AGPAT4: variants seen among roughly 807,000 people sequenced by gnomAD.
AGPAT4 encodes 1-acylglycerol-3-phosphate O-acyltransferase 4.
Under a neutral mutation model 48.0 loss-of-function variants are expected in AGPAT4, and 15 were observed. The observed-to-expected ratio is 0.31, with a 90% CI of 0.21 to 0.48. The LOEUF (loss-of-function observed/expected upper bound fraction) is 0.48, where lower values mean the gene tolerates loss of function less well. Among genes scored for constraint, AGPAT4 ranks in the 20% least tolerant of loss-of-function variants. AGPAT4 has a pLI of 0.99. For missense variants in AGPAT4, 314 were observed against 482.5 expected (o/e 0.65, Z 3.27); for synonymous variants, 178 against 198.7 (o/e 0.90, Z 0.88).
chr6:161,191,621 A>G (rs1780925073), intron 2 of AGPAT4, among the ~76,000 whole-genome samples: 1 of 152,238 alleles, frequency 6.6e-6, no homozygotes, highest in Non-Finnish European at 1.5e-5. Flanking sequence ...TACCTGTCAT[A>G]GTCCTGAAGA....
chr6:161,153,870 C>T lies in AGPAT4; in HGVS notation c.510+279G>A, dbSNP rs879641578. 7.0e-5 allele frequency among the ~76,000 whole-genome samples: 10 copies of T among 143,096 alleles called. No homozygotes were observed. Among genetic ancestry groups the T allele is most frequent in the Admixed American group, 6.2e-4 (9 of 14,560 alleles). 93.9% of individuals were successfully genotyped at this position (143,096 alleles called of 152,430 possible). ...TCACATATGGCCACATGATCACACA[C>T]GGCCCCATGGTCACACACAGCCCTG... On this transcript the variant is annotated intron_variant, in intron 4 of 8. Transcript: ENST00000320285.
At chr6:161,263,134 GCCCCA>G in intron 1 of AGPAT4, among the ~76,000 whole-genome samples, 1 of 30,850 alleles carries the variant, frequency 3.2e-5, no homozygotes. Flanking sequence ...ACACCTGCCT[GCCCCA>G]CCCCACCCCA....
intron 2 of AGPAT4, among the ~76,000 whole-genome samples, chr6:161,199,167 C>T (rs1242816043): frequency 6.6e-6 from 1 of 151,844 alleles, no homozygotes; most frequent in Non-Finnish European, 1.5e-5. Flanking sequence ...CATTGCAACA[C>T]TGTGCATCAG....
At chr6:161,183,698 G>GGAGGAGAGGA (rs1263700566) in intron 2 of AGPAT4, among the ~76,000 whole-genome samples, 1 of 88,916 alleles carries the variant, frequency 1.1e-5, no homozygotes, top group African/African-American at 5.2e-5. Flanking sequence ...AGAGGAGAGG[G>GGAGGAGAGGA]GAGGAGAGGA....
In AGPAT4 at chr6:161,254,770, A is replaced by G. The variant is rs951356054; in HGVS notation, c.-90+19168T>C. Reference sequence around the variant, plus strand: ...TTTAACATTCATTTAATTCTCAAAGATCTGTAAATACCGACTCAATTTAGA... The same window carrying G: ...TTTAACATTCATTTAATTCTCAAAGGTCTGTAAATACCGACTCAATTTAGA... On this transcript the variant is annotated intron_variant, in intron 1 of 8. Transcript: ENST00000320285. This position sits in a 1 kb window ranked among gnomAD's most constrained non-coding sequence, Gnocchi z 5.9. Among the ~76,000 whole-genome samples, 9 of 152,306 alleles carry G rather than the reference A, an allele frequency of 5.9e-5. No individual in the cohort carries two copies. Among genetic ancestry groups the G allele is most frequent in the African/African-American group, 2.2e-4 (9 of 41,564 alleles).
At position 161,202,690 on chromosome 6, in the gene AGPAT4, T is replaced by A. The variant is rs777999224; in HGVS notation, c.178+29346A>T. On this transcript the variant is annotated intron_variant, in intron 2 of 8. Coordinates refer to ENST00000320285, the MANE Select transcript of AGPAT4 (RefSeq NM_020133.3). This position sits in a 1 kb window ranked among gnomAD's most constrained non-coding sequence, Gnocchi z 5.4. ...TCCCCCATCGAGAGGTAAAATGGAA[T>A]TTCCCCTTTCTTGATCTAAGAGGGC... Among the ~76,000 whole-genome samples the A allele has an allele frequency of 3.2e-4, 49 of 152,234 alleles. No individual in the cohort carries two copies. The highest frequency in any genetic ancestry group is 1.8e-3 in the Admixed American group (28 of 15,304).
At chr6:161,253,958 C>T (rs542449449) in intron 1 of AGPAT4, among the ~76,000 whole-genome samples, 1 of 152,330 alleles carries the variant, frequency 6.6e-6, no homozygotes, top group East Asian at 1.9e-4. Flanking sequence ...GGACTTGGAA[C>T]TGCTGCCTCA....
chr6:161,166,065 C>T lies in AGPAT4; in HGVS notation c.348+183G>A, dbSNP rs1780087630. 1.4e-6 allele frequency: 1 copy of T among 739,664 alleles called. No individual in the cohort carries two copies. Among genetic ancestry groups the T allele is most frequent in the Non-Finnish European group, 2.2e-6 (1 of 449,270 alleles). The allele number at this position is 739,664 out of a possible 1,614,324, so 45.8% of individuals were successfully genotyped here. ...AATTGTTGAGTACCTCTTATGATTG[C>T]CCATAAGAAGCTGTTAAGACTGACT... On this transcript the variant is annotated intron_variant, in intron 3 of 8. Coordinates refer to ENST00000320285, the MANE Select transcript of AGPAT4 (RefSeq NM_020133.3). The surrounding 1 kb of genome is among the most constrained non-coding windows in gnomAD (Gnocchi z 6.7).
At chr6:161,152,672 G>C (rs1583284138) in intron 5 of AGPAT4, among the ~76,000 whole-genome samples, 1 of 152,158 alleles carries the variant, frequency 6.6e-6, no homozygotes, top group East Asian at 1.9e-4. Context: ...CATTCAGCTG[G>C]GTTCTAGCTC....
In AGPAT4 at chr6:161,136,606, A is replaced by C; in HGVS notation, c.1071T>G (p.Gly357=). 1 of 1,614,188 alleles carries C rather than the reference A, an allele frequency of 6.2e-7. No homozygotes were observed. Among genetic ancestry groups the C allele is most frequent in the Non-Finnish European group, 8.5e-7 (1 of 1,180,032 alleles). ...VASVGVRWMI[G]VTEIDKGSAY... is the part of the protein sequence containing the mutation. ...CAGAGCCCTTGTCAATTTCCGTCAC[A>C]CCAATCATCCATCGAACTCCCACGG... The change falls in exon 9 of 9, where the codon GGT becomes GGG. Residue 357 remains glycine (G), a synonymous_variant. Transcript: ENST00000320285.
At chr6:161,170,479 A>G (rs954902809) in intron 2 of AGPAT4, among the ~76,000 whole-genome samples, 119 of 92,394 alleles carry the variant, frequency 1.3e-3, no homozygotes, top group African/African-American at 3.5e-3. Flanking sequence ...GCGCGCACAC[A>G]CACACACACA....
Position 161,136,313 on chromosome 6 carries a change from G to A in AGPAT4, c.*227C>T, listed in dbSNP as rs536445721. 1.1e-4 allele frequency: 61 copies of A among 532,058 alleles called. No individual in the cohort carries two copies. Among genetic ancestry groups the A allele is most frequent in the East Asian group, 9.9e-5 (3 of 30,304 alleles). The allele number at this position is 532,058 out of a possible 1,614,324, so 33.0% of individuals were successfully genotyped here. ...CACACAGCCATTCTCACACACACTC[G>A]CACAAAAAGAAAACCAAAGCCCACT... is the stretch of plus-strand genomic sequence containing the variant. On this transcript the variant is annotated 3_prime_UTR_variant, in exon 9 of 9. Coordinates refer to ENST00000320285, the MANE Select transcript of AGPAT4 (RefSeq NM_020133.3).
Position 161,161,057 on chromosome 6 carries a change from G to A in AGPAT4, c.348+5191C>T. ...CAGTTCATGGGATGATACCAAGTCGGTGTACAGCAGACAGCACAGGCTGTG... is the reference window on the plus strand; with the variant it reads ...CAGTTCATGGGATGATACCAAGTCGATGTACAGCAGACAGCACAGGCTGTG... On this transcript the variant is annotated intron_variant, in intron 3 of 8. Transcript: ENST00000320285. The surrounding 1 kb of genome is among the most constrained non-coding windows in gnomAD (Gnocchi z 4.6). 1 of 456,720 alleles carries A rather than the reference G, an allele frequency of 2.2e-6. No individual in the cohort carries two copies. The highest frequency in any genetic ancestry group is 4.4e-6 in the Non-Finnish European group (1 of 226,964). 28.3% of individuals were successfully genotyped at this position (456,720 alleles called of 1,614,324 possible).
At position 161,137,250 on chromosome 6, in the gene AGPAT4, C is replaced by T. The variant is rs940187508; in HGVS notation, c.1043-616G>A. 2.0e-5 allele frequency among the ~76,000 whole-genome samples: 3 copies of T among 152,326 alleles called. No homozygotes were observed. The highest frequency in any genetic ancestry group is 7.2e-5 in the African/African-American group (3 of 41,568). On this transcript the variant is annotated intron_variant, in intron 8 of 8. Transcript: ENST00000320285. The surrounding 1 kb of genome is among the most constrained non-coding windows in gnomAD (Gnocchi z 6.1). ...CAGAAGTTGCAATTTCAACTACACC[C>T]TCTGGAGCGGGCAGATGTGGTGAGG...
rs1303513067 is a variant in AGPAT4 at position 161,158,692 on chromosome 6, C to T, written c.349-4382G>A. Among the ~76,000 whole-genome samples, 1 of 152,164 alleles carries T rather than the reference C, an allele frequency of 6.6e-6. No homozygotes were observed. Among genetic ancestry groups the T allele is most frequent in the African/African-American group, 2.4e-5 (1 of 41,436 alleles). On this transcript the variant is annotated intron_variant, in intron 3 of 8. Coordinates refer to ENST00000320285, the MANE Select transcript of AGPAT4 (RefSeq NM_020133.3). The surrounding 1 kb of genome is among the most constrained non-coding windows in gnomAD (Gnocchi z 5.3). ...AGGGCCTGAGACCCAGTACTCTGAC[C>T]CTGACCTTCAGAAGCTCTACAGCCT...
intron 2 of AGPAT4, among the ~76,000 whole-genome samples, chr6:161,181,608 C>A (rs755874130): frequency 6.6e-6 from 1 of 152,062 alleles, no homozygotes; most frequent in Admixed American, 6.5e-5. Context: ...GAGACAGTCT[C>A]GCTCTGTTGC....
At position 161,144,767 on chromosome 6, in the gene AGPAT4, T is replaced by C. The variant is rs779221601; in HGVS notation, c.843+1757A>G. ...GCCGAGGAGGGCAGATCACAAGACC[T>C]TGTGAGATCGAGACCATCCTGGCAA... On this transcript the variant is annotated intron_variant, in intron 7 of 8. Coordinates refer to ENST00000320285, the MANE Select transcript of AGPAT4 (RefSeq NM_020133.3). This position sits in a 1 kb window ranked among gnomAD's most constrained non-coding sequence, Gnocchi z 6.6. 7.9e-5 allele frequency among the ~76,000 whole-genome samples: 12 copies of C among 152,114 alleles called. No homozygotes were observed. The highest frequency in any genetic ancestry group is 1.5e-4 in the Non-Finnish European group (10 of 68,022).
Position 161,259,246 on chromosome 6 carries a change from A to T in AGPAT4, c.-90+14692T>A, listed in dbSNP as rs1263161390. ...ATACTTATTTTTCTTATGATGAGAA[A>T]GTTTAAAATCTATTCTTTTAGTAAT... is the stretch of plus-strand genomic sequence containing the variant. On this transcript the variant is annotated intron_variant, in intron 1 of 8. Coordinates refer to ENST00000320285, the MANE Select transcript of AGPAT4 (RefSeq NM_020133.3). The surrounding 1 kb of genome is among the most constrained non-coding windows in gnomAD (Gnocchi z 4.9). Among the ~76,000 whole-genome samples, 1 of 152,184 alleles carries T rather than the reference A, an allele frequency of 6.6e-6. No homozygotes were observed.
In AGPAT4 at chr6:161,214,293, G is replaced by A. The variant is rs1408377602; in HGVS notation, c.178+17743C>T. Among the ~76,000 whole-genome samples, 2 of 152,152 alleles carry A rather than the reference G, an allele frequency of 1.3e-5. No homozygotes were observed. Among genetic ancestry groups the A allele is most frequent in the Non-Finnish European group, 2.9e-5 (2 of 68,040 alleles). On this transcript the variant is annotated intron_variant, in intron 2 of 8. Coordinates refer to ENST00000320285, the MANE Select transcript of AGPAT4 (RefSeq NM_020133.3). The surrounding 1 kb of genome is among the most constrained non-coding windows in gnomAD (Gnocchi z 5.4). ...TGGGCACATGTTGTCAGGACCTCCT[G>A]AGGCTGTGTCACAGGCACACATCCT...
Sources: gnomAD v4.1 joint callset for allele counts (sites outside exome capture counted in the v4.1 genomes callset) on GRCh38, gnomAD v4.1.1 for gene constraint, Gnocchi (gnomAD v3.1) non-coding constraint, MANE v1.5 for transcripts, NCBI Gene and HGNC (gene_info 2026-07-23, HGNC 2026-07-21) for gene names.